Variants in NOX4 observed in about 807,000 individuals in gnomAD.
NOX4 encodes the protein kidney oxidase-1.
NOX4 carries 69 observed loss-of-function variants against 87.6 expected under a neutral mutation model. The observed-to-expected ratio is 0.79, with a 90% confidence interval of 0.65 to 0.96. The LOEUF is 0.96. NOX4 is among the 40% of genes least tolerant of loss of function. NOX4 has a pLI of 0.00. For missense variants in NOX4, 680 were observed against 681.5 expected (o/e 1.00, Z 0.02); for synonymous variants, 275 against 238.2 (o/e 1.15, Z -1.42).
At chr11:89,403,087 T>C (rs908127371) in intron 8 of NOX4, among the ~76,000 whole-genome samples, 35 of 152,172 alleles carry the variant, frequency 2.3e-4, no homozygotes, top group African/African-American at 8.2e-4. Context: ...AATCAGTCCC[T>C]AAATCTGTTT....
intron 7 of NOX4, among the ~76,000 whole-genome samples, chr11:89,426,720 C>G (rs929705180): frequency 6.6e-6 from 1 of 152,108 alleles, no homozygotes; most frequent in African/African-American, 2.4e-5. Context: ...AACAAAGTGG[C>G]CTGGATGCTC....
intron 16 of NOX4, among the ~76,000 whole-genome samples, chr11:89,336,577 A>AAATCT (rs1166980790): frequency 1.3e-5 from 2 of 152,040 alleles, no homozygotes; most frequent in Non-Finnish European, 2.9e-5. Flanking sequence ...CATTAGATCT[A>AAATCT]AATCAATGTG....
At chr11:89,475,203 G>T (rs1247896712) in intron 2 of NOX4, among the ~76,000 whole-genome samples, 1 of 151,880 alleles carries the variant, frequency 6.6e-6, no homozygotes. Context: ...TTGTACTGAG[G>T]ACATGCACCA....
intron 11 of NOX4, among the ~76,000 whole-genome samples, chr11:89,394,185 TG>T (rs763658154): frequency 3.3e-4 from 50 of 152,288 alleles, no homozygotes; most frequent in Admixed American, 1.8e-3. Flanking sequence ...CTCTCTTCAG[TG>T]TGAACATAGG....
chr11:89,398,904 T>C (rs1000490572), intron 11 of NOX4, among the ~76,000 whole-genome samples: 5 of 151,808 alleles, frequency 3.3e-5, no homozygotes, highest in Non-Finnish European at 7.4e-5. Context: ...GTCCATCACA[T>C]GTAGTTGAGT....
the NOX4 span, among the ~76,000 whole-genome samples, chr11:89,541,915 C>G: frequency 6.6e-6 from 1 of 152,162 alleles, no homozygotes. Flanking sequence ...AAGCAATCCT[C>G]CCACCTCAGC....
intron 15 of NOX4, among the ~76,000 whole-genome samples, 162 bp from the exon 16 acceptor site, chr11:89,337,677 A>G (rs1330885912): frequency 6.6e-6 from 1 of 152,110 alleles, no homozygotes; most frequent in African/African-American, 2.4e-5. Flanking sequence ...ACACAGAAAT[A>G]TATATAACAG....
At chr11:89,378,712 A>G (rs1180423134) in intron 11 of NOX4, among the ~76,000 whole-genome samples, 1 of 152,152 alleles carries the variant, frequency 6.6e-6, no homozygotes, top group Non-Finnish European at 1.5e-5. Context: ...AGGAGAATAA[A>G]AACGTCAAAG....
chr11:89,515,563 A>C, the NOX4 span, among the ~76,000 whole-genome samples: 3 of 151,476 alleles, frequency 2.0e-5, no homozygotes, highest in Admixed American at 6.6e-5. Flanking sequence ...AAAGAGTGTA[A>C]TGTTTGTAAA....
At chr11:89,463,210 G>A (rs1184948198) in intron 2 of NOX4, among the ~76,000 whole-genome samples, 1 of 151,662 alleles carries the variant, frequency 6.6e-6, no homozygotes, top group Non-Finnish European at 1.5e-5. Flanking sequence ...AATAATAATA[G>A]GAACACTATT....
intron 2 of NOX4, among the ~76,000 whole-genome samples, chr11:89,489,606 T>C (rs981393754): frequency 4.0e-5 from 6 of 151,678 alleles, no homozygotes; most frequent in Admixed American, 3.9e-4. Flanking sequence ...TGCGTGCCTG[T>C]AGTCCCAGCT....
rs1481834278 is a variant in NOX4, at chr11:89,337,486, G to A, written c.1476C>T (p.Val492=). ...KFWQENRPDY[V]NIQLYLSQTD... The stretch of plus-strand genomic sequence containing the variant: ...TTTGACTGAGGTACAGCTGGATGTT[G>A]ACATAGTCAGGTCTGTTCTCTTGCC... The change falls in exon 16 of 18, where the codon GTC becomes GTT. Residue 492 remains valine, a synonymous_variant. Transcript: ENST00000263317. 9 of 1,612,228 alleles carry A rather than the reference G, an allele frequency of 5.6e-6. No individual in the cohort carries two copies. Among genetic ancestry groups the A allele is most frequent in the Non-Finnish European group, 7.6e-6 (9 of 1,178,886 alleles).
intron 8 of NOX4, among the ~76,000 whole-genome samples, chr11:89,407,704 A>G (rs1291832699): frequency 5.3e-5 from 8 of 152,016 alleles, no homozygotes; most frequent in African/African-American, 1.9e-4. Context: ...AAAGTCTTAT[A>G]AAATAATATA....
intron 2 of NOX4, among the ~76,000 whole-genome samples, chr11:89,457,321 G>A (rs2164522): frequency 0.09 from 13,716 of 152,120 alleles, 770 homozygotes; most frequent in South Asian, 0.19. Context: ...GTACATGGAC[G>A]CTGGCAACTC....
chr11:89,558,159 T>A, the NOX4 span, among the ~76,000 whole-genome samples: 5 of 151,982 alleles, frequency 3.3e-5, no homozygotes, highest in South Asian at 8.3e-4. Context: ...TGCAAAAGAG[T>A]CATTTTCTTG....
chr11:89,385,549 C>T (rs1037400281), intron 11 of NOX4, among the ~76,000 whole-genome samples: 1 of 152,190 alleles, frequency 6.6e-6, no homozygotes, highest in African/African-American at 2.4e-5. Context: ...GTTGTCATTT[C>T]ATAACGTCTT....
intron 8 of NOX4, among the ~76,000 whole-genome samples, chr11:89,403,856 C>T (rs1228439853): frequency 1.3e-5 from 2 of 152,144 alleles, no homozygotes; most frequent in African/African-American, 2.4e-5. Context: ...AATGACCAGG[C>T]CAGTCTCTGG....
At chr11:89,477,188 C>A (rs1022018673) in intron 2 of NOX4, among the ~76,000 whole-genome samples, 1 of 152,034 alleles carries the variant, frequency 6.6e-6, no homozygotes, top group Non-Finnish European at 1.5e-5. Flanking sequence ...TCAGTGATTG[C>A]CCTGAGCCTG....
the NOX4 span, among the ~76,000 whole-genome samples, chr11:89,513,066 A>G: frequency 6.6e-6 from 1 of 152,100 alleles, no homozygotes; most frequent in Non-Finnish European, 1.5e-5. Context: ...CACTCCTGTA[A>G]TCCCAGCAAT....
Sources: gnomAD v4.1 joint callset for allele counts (sites outside exome capture counted in the v4.1 genomes callset) on GRCh38, gnomAD v4.1.1 for gene constraint, MANE v1.5 for transcripts, NCBI Gene and HGNC (gene_info 2026-07-23, HGNC 2026-07-21) for gene names.